The following LGALS9 variants were observed in gnomAD, a reference collection of about 807,000 sequenced individuals.
LGALS9 encodes galectin 9.
Under a neutral mutation model 35.9 loss-of-function variants are expected in LGALS9, and 26 were observed. That is an observed-to-expected ratio of 0.72 (90% CI 0.53 to 1.01). The LOEUF (loss-of-function observed/expected upper bound fraction) is 1.01. LGALS9 is among the 50% of genes least tolerant of loss of function. LGALS9 has a pLI of 0.00. For synonymous variants in LGALS9, 149 were observed against 172.2 expected (o/e 0.87, Z 1.06); for missense variants, 347 against 445.8 (o/e 0.78, Z 1.99).
Position 27,643,616 on chromosome 17 carries a change from A to T in LGALS9, c.536A>T (p.Gln179Leu), listed in dbSNP as rs361498. The change falls in exon 5 of 11, where the codon CAA (glutamine) becomes CTA (leucine). Residue 179 changes from glutamine (Q) to leucine (L), a missense_variant. Gln to Leu is a moderately radical substitution (Grantham distance 113, BLOSUM62 -2). Transcript: ENST00000395473. ...CCACCCAGGCCCAGGGGGCGCAGAC[A>T]AAAAGTGAGTTCAACACAGAGGCCC... ...CFPPRPRGRR[Q>L]KPPGVWPANP... 0.18 allele frequency: 294,020 copies of T among 1,610,896 alleles called. 30,930 individuals carry two copies. The highest frequency in any genetic ancestry group is 0.21 in the Non-Finnish European group (252,048 of 1,179,222).
intron 1 of LGALS9, among the ~76,000 whole-genome samples, chr17:27,634,374 C>T (rs1248262209): frequency 1.3e-5 from 2 of 152,038 alleles, no homozygotes; most frequent in Non-Finnish European, 2.9e-5. Context: ...CAAAGTGAGA[C>T]CACGTCTCTA....
chr17:27,643,460 C>T, intron 4 of LGALS9, 65 bp from the exon 5 acceptor site: 10 of 1,603,932 alleles, frequency 6.2e-6, no homozygotes, highest in Non-Finnish European at 8.5e-6. Flanking sequence ...CTGCCTCTGC[C>T]TTTCGGCTTC....
At chr17:27,641,769 T>C (rs1391223414) in intron 3 of LGALS9, among the ~76,000 whole-genome samples, 1 of 151,464 alleles carries the variant, frequency 6.6e-6, no homozygotes, top group East Asian at 1.9e-4. Flanking sequence ...AGGTCAGGAG[T>C]CCAAGACCAG....
chr17:27,645,771 T>C, intron 6 of LGALS9, 90 bp from the exon 7 acceptor site: 1 of 1,042,314 alleles, frequency 9.6e-7, no homozygotes, highest in Non-Finnish European at 1.4e-6. Context: ...TTACGCCCCC[T>C]GGAGGGTGCC....
chr17:27,642,394 G>A, intron 4 of LGALS9, 46 bp downstream of exon 4: 1 of 1,610,970 alleles, frequency 6.2e-7, no homozygotes, highest in Non-Finnish European at 8.5e-7. Context: ...GGGATGCAGG[G>A]CCCAGCGTAG....
intron 3 of LGALS9, chr17:27,641,125 G>T: frequency 2.2e-6 from 1 of 445,680 alleles, no homozygotes; most frequent in Non-Finnish European, 4.4e-6. Context: ...CAGCGACATC[G>T]TTCCAGCCTT....
chr17:27,633,916 T>C (rs1440562578), intron 1 of LGALS9, among the ~76,000 whole-genome samples: 1 of 152,186 alleles, frequency 6.6e-6, no homozygotes, highest in African/African-American at 2.4e-5. Flanking sequence ...AGTGTCAGAA[T>C]TGCTAGTGTA....
intron 10 of LGALS9, among the ~76,000 whole-genome samples, chr17:27,648,592 G>A (rs1304845394): frequency 1.3e-5 from 2 of 152,188 alleles, no homozygotes; most frequent in African/African-American, 2.4e-5. Flanking sequence ...GGATACAGAC[G>A]GCACAGGCCA....
chr17:27,633,010 C>A (rs1335935255), intron 1 of LGALS9, among the ~76,000 whole-genome samples: 2 of 151,848 alleles, frequency 1.3e-5, no homozygotes, highest in Non-Finnish European at 2.9e-5. Context: ...CTCATCTAGC[C>A]CAGCCTCTTT....
intron 6 of LGALS9, 22 bp from the exon 7 acceptor site, chr17:27,645,839 A>C: frequency 6.3e-7 from 1 of 1,592,102 alleles, no homozygotes; most frequent in Non-Finnish European, 8.6e-7. Context: ...AGCCTGGGTG[A>C]GACCTGGTTT....
intron 2 of LGALS9, among the ~76,000 whole-genome samples, chr17:27,640,112 T>A (rs1202795739): frequency 6.6e-6 from 1 of 152,114 alleles, no homozygotes; most frequent in Non-Finnish European, 1.5e-5. Flanking sequence ...GCTCAAGTGG[T>A]CCACCCGCCT....
At chr17:27,632,342 G>T (rs190447497) in intron 1 of LGALS9, among the ~76,000 whole-genome samples, 4 of 152,324 alleles carry the variant, frequency 2.6e-5, no homozygotes, top group East Asian at 3.9e-4. Context: ...AGAGGCCAGG[G>T]TCGGGCTTGA....
chr17:27,631,383 G>C (rs572675603), intron 1 of LGALS9, 79 bp downstream of exon 1: 10 of 1,595,292 alleles, frequency 6.3e-6, no homozygotes, highest in Non-Finnish European at 8.6e-6. Context: ...GCAACTCCTG[G>C]GTGGCAGGGG....
At position 27,643,523 on chromosome 17, in the gene LGALS9, A is replaced by G; in HGVS notation, c.445-2A>G. On this transcript the variant is annotated splice_acceptor_variant, in intron 4 of 10. Coordinates refer to ENST00000395473, the MANE Select transcript of LGALS9 (RefSeq NM_009587.3). LOFTEE classifies it high-confidence loss of function. ...ACTGCCCGGTGCCTTTTGTTTTAAC[A>G]GAACCCCCGCACAGTCCCTGTTCAG... 2.5e-6 allele frequency: 4 copies of G among 1,611,830 alleles called. No individual in the cohort carries two copies. The highest frequency in any genetic ancestry group is 3.4e-6 in the Non-Finnish European group (4 of 1,179,738).
chr17:27,636,161 G>C (rs1012396414), intron 1 of LGALS9, among the ~76,000 whole-genome samples: 56 of 152,342 alleles, frequency 3.7e-4, no homozygotes, highest in African/African-American at 1.3e-3. Context: ...GGTTCTGTGT[G>C]GTCACACAAC....
At chr17:27,646,005 G>A (rs1331095926) in intron 7 of LGALS9, 94 bp downstream of exon 7, 20 of 1,553,354 alleles carry the variant, frequency 1.3e-5, no homozygotes, top group South Asian at 1.0e-4. Context: ...GGAAGAAAGC[G>A]GTTTAGCAAG....
intron 1 of LGALS9, among the ~76,000 whole-genome samples, chr17:27,634,228 C>T (rs2074419179): frequency 6.6e-6 from 1 of 152,224 alleles, no homozygotes; most frequent in South Asian, 2.1e-4. Flanking sequence ...CAGGCCTTGG[C>T]TTATGACCCC....
At position 27,647,386 on chromosome 17, in the gene LGALS9, G is replaced by A. The variant is rs1265977883; in HGVS notation, c.875G>A (p.Arg292Gln). The A allele has an allele frequency of 5.0e-6, 8 of 1,614,038 alleles. No homozygotes were observed. The highest frequency in any genetic ancestry group is 1.7e-5 in the Admixed American group (1 of 60,004). The stretch of plus-strand genomic sequence containing the variant: ...GACAACTCCTGGGGGTCTGAGGAGC[G>A]AAGTCTGCCCCGAAAAATGCCCTTC... ...QIDNSWGSEE[R>Q]SLPRKMPFVR... The change falls in exon 10 of 11, where the codon CGA becomes CAA. Residue 292 changes from arginine (R) to glutamine (Q), a missense_variant. Coordinates refer to ENST00000395473, the MANE Select transcript of LGALS9 (RefSeq NM_009587.3).
intron 1 of LGALS9, among the ~76,000 whole-genome samples, chr17:27,632,877 C>T (rs181683359): frequency 3.9e-4 from 59 of 152,306 alleles, no homozygotes; most frequent in African/African-American, 1.2e-3. Flanking sequence ...ATCTGGCAGT[C>T]GGAGCCACGC....
Sources: allele counts gnomAD v4.1 joint callset (sites outside exome capture counted in the v4.1 genomes callset), GRCh38; gene constraint gnomAD v4.1.1; transcripts MANE v1.5; gene names NCBI Gene and HGNC (gene_info 2026-07-23, HGNC 2026-07-21).